GFAP: variants seen among roughly 807,000 people sequenced by gnomAD.
GFAP encodes intermediate filament protein.
Under a neutral mutation model 49.3 loss-of-function variants are expected in GFAP, and 38 were observed. The observed-to-expected ratio is 0.77, with a 90% confidence interval of 0.60 to 1.01. The LOEUF (loss-of-function observed/expected upper bound fraction) is 1.01. Among genes scored for constraint, GFAP ranks in the 50% least tolerant of loss-of-function variants. The pLI, the probability that GFAP is intolerant of heterozygous loss-of-function variation, is 0.00. For missense variants in GFAP, 463 were observed against 579.1 expected (o/e 0.80, Z 2.06); for synonymous variants, 222 against 236.4 (o/e 0.94, Z 0.56).
chr17:44,910,035 G>T, intron 7 of GFAP: 1 of 1,597,434 alleles, frequency 6.3e-7, no homozygotes. Flanking sequence ...CCCTTTAGGG[G>T]AAGCCTGGGA....
rs1227504837 is a variant in GFAP, at chr17:44,915,415, G to GC, written c.71dup (p.Leu25ProfsTer45). On this transcript the variant is annotated frameshift_variant, in exon 1 of 9. Transcript: ENST00000588735. LOFTEE classifies it high-confidence loss of function. The surrounding 1 kb of genome is among the most constrained non-coding windows in gnomAD (Gnocchi z 4.1). ...GACCCAGACGGCGGCCAGGAGCCAG[G>GC]CCCCCCACCATCATCTCCCCTGAGG... The GC allele has an allele frequency of 4.4e-6, 7 of 1,607,800 alleles. No homozygotes were observed. The highest frequency in any genetic ancestry group is 1.7e-4 in the Middle Eastern group (1 of 5,916).
chr17:44,912,821 T>G, intron 4 of GFAP: 1 of 253,506 alleles, frequency 3.9e-6, no homozygotes, highest in South Asian at 5.0e-5. Flanking sequence ...GCCTGGCATA[T>G]GGTAGAGGCT....
At chr17:44,913,967 TTGGG>T in intron 2 of GFAP, 57 bp downstream of exon 2, 1 of 1,354,670 alleles carries the variant, frequency 7.4e-7, no homozygotes, top group South Asian at 1.2e-5. Context: ...GGGGCTGTGT[TTGGG>T]TGGGTGGCCA....
chr17:44,912,284 C>T (rs112074706), intron 4 of GFAP: 19,766 of 157,076 alleles, frequency 0.13, 1,435 homozygotes, highest in Non-Finnish European at 0.17. Context: ...CCACTACACC[C>T]GGCTGATTTT....
rs2051606540 is a variant in GFAP, at chr17:44,903,966, A to C, written c.*3381T>G. On this transcript the variant is annotated 3_prime_UTR_variant, in exon 9 of 9. Coordinates refer to ENST00000588735, the MANE Select transcript of GFAP (RefSeq NM_002055.5). Reference sequence around the variant, plus strand: ...TTTGAAAATGCAGCCTACCTGGCCGACATGAGCTTTGAGCTTCCCTGTCAC... The same window carrying C: ...TTTGAAAATGCAGCCTACCTGGCCGCCATGAGCTTTGAGCTTCCCTGTCAC... 1 of 1,550,616 alleles carries C rather than the reference A, an allele frequency of 6.4e-7. No individual in the cohort carries two copies.
chr17:44,913,544 C>T (rs1384795777), intron 3 of GFAP, 114 bp from the exon 4 acceptor site: 5 of 1,207,438 alleles, frequency 4.1e-6, no homozygotes, highest in East Asian at 2.4e-5. Context: ...CGAATGCTCT[C>T]TTGTCTCTTT....
chr17:44,914,099 G>T lies in GFAP; in HGVS notation c.462-11C>A, dbSNP rs184208563. On this transcript the variant is annotated splice_polypyrimidine_tract_variant and intron_variant, in intron 1 of 8. Coordinates refer to ENST00000588735, the MANE Select transcript of GFAP (RefSeq NM_002055.5). ...GTTTCATCCTGGAGCCTGGAGTGGGGGGACACATTCCTGGGTCCAGGCTCT... is the reference window on the plus strand; with the variant it reads ...GTTTCATCCTGGAGCCTGGAGTGGGTGGACACATTCCTGGGTCCAGGCTCT... 1 of 1,546,814 alleles carries T rather than the reference G, an allele frequency of 6.5e-7. No individual in the cohort carries two copies. Among genetic ancestry groups the T allele is most frequent in the Non-Finnish European group, 8.8e-7 (1 of 1,142,110 alleles).
intron 8 of GFAP, 96 bp from the exon 9 acceptor site, chr17:44,907,484 C>A: frequency 1.2e-6 from 1 of 853,878 alleles, no homozygotes. Context: ...GGGAAGTCCC[C>A]GACTTCCCAG....
chr17:44,914,045 G>T lies in GFAP; in HGVS notation c.505C>A (p.Leu169Met), dbSNP rs1300031196. The T allele has an allele frequency of 2.6e-6, 4 of 1,558,692 alleles. No individual in the cohort carries two copies. The East Asian group carries it at 7.2e-5, about 28-fold the overall frequency. The stretch of plus-strand genomic sequence containing the variant: ...TCCCTGACCTGTCTATAGGCAGCCA[G>T]GTTGTTCTCGGCTTCCAGCCTCAGG... ...TNLRLEAENN[L>M]AAYRQEADEA... is the part of the protein sequence containing the mutation. Residue 169 changes from leucine to methionine, a missense_variant, in exon 2 of 9, where the codon CTG (leucine) becomes ATG (methionine). Coordinates refer to ENST00000588735, the MANE Select transcript of GFAP (RefSeq NM_002055.5).
At chr17:44,907,511 T>C in intron 8 of GFAP, 123 bp from the exon 9 acceptor site, 1 of 742,174 alleles carries the variant, frequency 1.3e-6, no homozygotes, top group South Asian at 1.5e-5. Flanking sequence ...CTTTTCTTGA[T>C]AGTAACCACA....
Position 44,910,964 on chromosome 17 carries a change from C to G in GFAP, c.1127+272G>C, listed in dbSNP as rs2051748522. On this transcript the variant is annotated intron_variant, in intron 6 of 8. Coordinates refer to ENST00000588735, the MANE Select transcript of GFAP (RefSeq NM_002055.5). ...GGTGAGGTGAGGAGTCCAATCTTGG[C>G]TGGGAAGATGGGGAGTATGCCTCTT... 6.6e-6 allele frequency: 4 copies of G among 603,648 alleles called. No homozygotes were observed. In the South Asian group the frequency reaches 7.9e-5, roughly 12 times the overall value. 37.4% of individuals were successfully genotyped at this position (603,648 alleles called of 1,614,324 possible).
chr17:44,907,076 A>C lies in GFAP; in HGVS notation c.*271T>G. 2 of 560,092 alleles carry C rather than the reference A, an allele frequency of 3.6e-6. No homozygotes were observed. Among genetic ancestry groups the C allele is most frequent in the Non-Finnish European group, 6.4e-6 (2 of 310,542 alleles). The allele number at this position is 560,092 out of a possible 1,614,324, so 34.7% of individuals were successfully genotyped here. The stretch of plus-strand genomic sequence containing the variant: ...CTCTCCTTCCTCCTCATTCTAACGC[A>C]AGCTGCTGGCCATGCCCCTCCAGAC... On this transcript the variant is annotated 3_prime_UTR_variant, in exon 9 of 9. Transcript: ENST00000588735.
chr17:44,911,469 G>A lies in GFAP; in HGVS notation c.907-13C>T, dbSNP rs371033880. 1 of 1,593,420 alleles carries A rather than the reference G, an allele frequency of 6.3e-7. No individual in the cohort carries two copies. Among genetic ancestry groups the A allele is most frequent in the Non-Finnish European group, 8.5e-7 (1 of 1,170,478 alleles). On this transcript the variant is annotated splice_polypyrimidine_tract_variant and intron_variant, in intron 5 of 8. Transcript: ENST00000588735. ...CCAGGGACTCGTTCTGTGGGATGGA[G>A]CCGGCCGGTCCCGCGGAGCCCCGAC...
chr17:44,911,531 C>G, intron 5 of GFAP, 75 bp from the exon 6 acceptor site: 1 of 1,545,558 alleles, frequency 6.5e-7, no homozygotes, highest in Non-Finnish European at 8.7e-7. Flanking sequence ...GCCCCCGGCC[C>G]CAGGCCCCGC....
rs1262434159 is a variant in GFAP, at chr17:44,914,717, C to T, written c.461+309G>A. On this transcript the variant is annotated intron_variant, in intron 1 of 8. Coordinates refer to ENST00000588735, the MANE Select transcript of GFAP (RefSeq NM_002055.5). ...TCAGAATAGGTGAGCTCGCTGCCCA[C>T]AGTCACAAAGCCCAGCCATGAATGA... 1.1e-5 allele frequency: 5 copies of T among 451,192 alleles called. No homozygotes were observed. In the East Asian group the frequency reaches 1.3e-4, roughly 12 times the overall value. The allele number at this position is 451,192 out of a possible 1,614,324, so 27.9% of individuals were successfully genotyped here.
Position 44,907,392 on chromosome 17 carries a change from C to A in GFAP, c.1258-4G>T. 6.2e-7 allele frequency: 1 copy of A among 1,610,006 alleles called. No homozygotes were observed. The highest frequency in any genetic ancestry group is 2.2e-5 in the East Asian group (1 of 44,864). ...CCTGCTTGGACTCCTTAATGACCTG[C>A]AGGGGACAGGGAACGTGCACAGTGC... On this transcript the variant is annotated splice_region_variant and splice_polypyrimidine_tract_variant and intron_variant, in intron 8 of 8. Coordinates refer to ENST00000588735, the MANE Select transcript of GFAP (RefSeq NM_002055.5).
In GFAP at chr17:44,904,933, G is replaced by A. The variant is rs764415152; in HGVS notation, c.*2414C>T. The A allele has an allele frequency of 4.1e-5, 64 of 1,550,502 alleles. No homozygotes were observed. Among genetic ancestry groups the A allele is most frequent in the African/African-American group, 1.4e-5 (1 of 73,022 alleles). ...CATCTCATGGGCACTACCCAGCCTC[G>A]TTCTCAGATCCTGAGACTCGCTCGG... On this transcript the variant is annotated 3_prime_UTR_variant, in exon 9 of 9. Coordinates refer to ENST00000588735, the MANE Select transcript of GFAP (RefSeq NM_002055.5).
chr17:44,914,287 A>C (rs1486842908), intron 1 of GFAP, 199 bp from the exon 2 acceptor site: 1 of 589,632 alleles, frequency 1.7e-6, no homozygotes, highest in East Asian at 2.8e-5. Flanking sequence ...GCCTTAACTC[A>C]TTACTAAGGT....
intron 8 of GFAP, 188 bp from the exon 9 acceptor site, chr17:44,907,576 A>G (rs1326257047): frequency 4.5e-6 from 3 of 663,858 alleles, no homozygotes; most frequent in African/African-American, 1.8e-5. Context: ...GAAAGCATTT[A>G]GCGTCATGCC....
Sources: allele counts gnomAD v4.1 joint callset, GRCh38; gene constraint gnomAD v4.1.1; non-coding constraint Gnocchi (gnomAD v3.1); transcripts MANE v1.5; gene names NCBI Gene and HGNC (gene_info 2026-07-23, HGNC 2026-07-21).